The following OPN3 variants were observed in gnomAD, a reference collection of about 807,000 sequenced individuals.
The protein encoded by OPN3 is opsin 3.
OPN3 carries 29 observed loss-of-function variants against 33.8 expected under a neutral mutation model. That is an observed-to-expected ratio of 0.86 (90% CI 0.64 to 1.17). The LOEUF (loss-of-function observed/expected upper bound fraction) is 1.17. OPN3 is among the 50% of genes most tolerant of loss of function. The pLI is 0.00. For synonymous variants in OPN3, 216 were observed against 216.1 expected (o/e 1.00, Z 0.00); for missense variants, 437 against 514.1 (o/e 0.85, Z 1.45).
Position 241,635,420 on chromosome 1 carries a change from A to G in OPN3, c.373+4462T>C, listed in dbSNP as rs1244570150. On this transcript the variant is annotated intron_variant, in intron 1 of 3. Transcript: ENST00000366554. ...AGAAGGATTTTTCTGCAGAGCACCAATCTCTTCAACGTTGTCCTCCATATC... is the reference window on the plus strand; with the variant it reads ...AGAAGGATTTTTCTGCAGAGCACCAGTCTCTTCAACGTTGTCCTCCATATC... The G allele has an allele frequency of 3.7e-6, 6 of 1,613,904 alleles. No individual in the cohort carries two copies. The Admixed American group carries it at 5.0e-5, about 13-fold the overall frequency.
At chr1:241,613,026 A>G (rs930177488) in intron 1 of OPN3, among the ~76,000 whole-genome samples, 1 of 152,230 alleles carries the variant, frequency 6.6e-6, no homozygotes, top group Admixed American at 6.5e-5. Flanking sequence ...ATCTAGTCAT[A>G]TGAAACAATA....
intron 1 of OPN3, chr1:241,632,906 T>C (rs1029715742): frequency 6.6e-6 from 1 of 152,098 alleles, no homozygotes; most frequent in African/African-American, 2.4e-5. Flanking sequence ...GAATTCCTCC[T>C]TAGGAATTTC....
At position 241,624,232 on chromosome 1, in the gene OPN3, T is replaced by C. The variant is rs555509829; in HGVS notation, c.373+15650A>G. Among the ~76,000 whole-genome samples the C allele has an allele frequency of 2.4e-5, 3 of 123,334 alleles. No homozygotes were observed. The South Asian group carries it at 7.6e-4, about 31-fold the overall frequency. The allele number at this position is 123,334 out of a possible 152,430, so 80.9% of individuals were successfully genotyped here. On this transcript the variant is annotated intron_variant, in intron 1 of 3. Transcript: ENST00000366554. ...CAGACACTGTGGACCCTCTTTCACC[T>C]GTCCTGCCTCTCCACGCCAGGCCAG...
chr1:241,633,996 T>G (rs746610801), intron 1 of OPN3: 1 of 1,613,932 alleles, frequency 6.2e-7, no homozygotes, highest in South Asian at 1.1e-5. Flanking sequence ...TCAGCTTGCT[T>G]GACAGCATGC....
intron 1 of OPN3, chr1:241,629,784 C>T (rs919221636): frequency 6.6e-6 from 1 of 152,024 alleles, no homozygotes; most frequent in Non-Finnish European, 1.5e-5. Flanking sequence ...CTAGTCTTTC[C>T]ACCAGCAGTT....
At chr1:241,606,586 T>C (rs1031867936) in intron 1 of OPN3, among the ~76,000 whole-genome samples, 3 of 126,870 alleles carry the variant, frequency 2.4e-5, no homozygotes, top group Non-Finnish European at 3.4e-5. Context: ...AATAAATAAA[T>C]AAAATAAATA....
At chr1:241,613,578 TA>T (rs1159369124) in intron 1 of OPN3, among the ~76,000 whole-genome samples, 6 of 152,200 alleles carry the variant, frequency 3.9e-5, no homozygotes, top group African/African-American at 1.2e-4. Context: ...GTCATTTTTT[TA>T]AACTCAATAT....
chr1:241,618,972 T>TTA (rs139434037), intron 1 of OPN3, among the ~76,000 whole-genome samples: 20,332 of 147,760 alleles, frequency 0.14, 2,154 homozygotes, highest in African/African-American at 0.3. Flanking sequence ...GCAGGCTAGT[T>TTA]TATATATATA....
intron 3 of OPN3, chr1:241,595,022 C>A: frequency 4.8e-6 from 1 of 207,222 alleles, no homozygotes; most frequent in African/African-American, 2.3e-5. Context: ...ATTCAGTGGG[C>A]ATCTACTAGG....
At chr1:241,617,649 G>A (rs1027810768) in intron 1 of OPN3, among the ~76,000 whole-genome samples, 6 of 152,188 alleles carry the variant, frequency 3.9e-5, no homozygotes, top group African/African-American at 9.7e-5. Flanking sequence ...CACAGAGGGC[G>A]AGTGCGACTC....
chr1:241,638,188 A>G (rs928692494), intron 1 of OPN3, among the ~76,000 whole-genome samples: 4 of 152,206 alleles, frequency 2.6e-5, no homozygotes, highest in Admixed American at 2.6e-4. Flanking sequence ...AATGCCCTGA[A>G]AAATAGGGCA....
chr1:241,628,094 C>T (rs748225613), intron 1 of OPN3, among the ~76,000 whole-genome samples: 1 of 152,102 alleles, frequency 6.6e-6, no homozygotes, highest in East Asian at 1.9e-4. Context: ...GGCTTTTAAC[C>T]TTTAAGCCAC....
chr1:241,600,650 C>A (rs901809414), intron 2 of OPN3: 2 of 152,186 alleles, frequency 1.3e-5, no homozygotes, highest in African/African-American at 4.8e-5. Flanking sequence ...TGAGTCACCT[C>A]TCTCTGAATA....
At chr1:241,595,329 A>G (rs1053183) in intron 3 of OPN3, 42,398 of 152,154 alleles carry the variant, frequency 0.28, 6,228 homozygotes, top group East Asian at 0.42. Flanking sequence ...AGAACCTGGG[A>G]GGCCAACGCC....
chr1:241,594,595 T>C lies in OPN3; in HGVS notation c.1042A>G (p.Arg348Gly). Residue 348 changes from arginine (R) to glycine (G), a missense_variant, in exon 4 of 4, where the codon AGA (arginine) becomes GGA (glycine). Arg to Gly is a moderately radical substitution (Grantham distance 125). Transcript: ENST00000366554. ...TCTTTCTGTGACATCACAATGGGTC[T>C]GATCTGCATTTCACTTCCAGCTGCT... ...LPAAGSEMQI[R>G]PIVMSQKDGD... The C allele has an allele frequency of 6.2e-7, 1 of 1,614,148 alleles. No individual in the cohort carries two copies. Among genetic ancestry groups the C allele is most frequent in the Non-Finnish European group, 8.5e-7 (1 of 1,180,004 alleles).
In OPN3 at chr1:241,640,150, G is replaced by C; in HGVS notation, c.105C>G (p.Leu35=). 6.5e-7 allele frequency: 1 copy of C among 1,545,986 alleles called. No individual in the cohort carries two copies. The change falls in exon 1 of 4, where the codon CTC becomes CTG. Residue 35 remains leucine (L), a synonymous_variant. Coordinates refer to ENST00000366554, the MANE Select transcript of OPN3 (RefSeq NM_014322.3). ...GGCGCTCGTAGGTGCCGGGGCTGAAGAGGGGCGCGGGGCTCAGTGTCCCCG... is the reference window on the plus strand; with the variant it reads ...GGCGCTCGTAGGTGCCGGGGCTGAACAGGGGCGCGGGGCTCAGTGTCCCCG... ...APAGTLSPAP[L]FSPGTYERLA... is the part of the protein sequence containing the mutation.
At chr1:241,608,338 C>G (rs1406252962) in intron 1 of OPN3, among the ~76,000 whole-genome samples, 1 of 152,104 alleles carries the variant, frequency 6.6e-6, no homozygotes, top group Non-Finnish European at 1.5e-5. Flanking sequence ...TTCATTCATT[C>G]ATTTAGTCAT....
chr1:241,605,243 A>G (rs1663796086), intron 1 of OPN3, among the ~76,000 whole-genome samples: 1 of 152,030 alleles, frequency 6.6e-6, no homozygotes, highest in African/African-American at 2.4e-5. Context: ...CTTTTAGTTT[A>G]CCTTCTCTTG....
chr1:241,611,710 G>C (rs1192231493), intron 1 of OPN3, among the ~76,000 whole-genome samples: 2 of 152,206 alleles, frequency 1.3e-5, no homozygotes, highest in African/African-American at 2.4e-5. Context: ...GCCATGCGTG[G>C]AGCTTGGAAT....
Sources: gnomAD v4.1 joint callset for allele counts (sites outside exome capture counted in the v4.1 genomes callset) on GRCh38, gnomAD v4.1.1 for gene constraint, MANE v1.5 for transcripts, NCBI Gene and HGNC (gene_info 2026-07-23, HGNC 2026-07-21) for gene names.